RNGTT: variants seen among roughly 807,000 people sequenced by gnomAD.
RNGTT encodes mRNA-capping enzyme.
In RNGTT, 33 loss-of-function variants were observed where a neutral mutation model predicts 79.3. That is an observed-to-expected ratio of 0.42 (90% CI 0.32 to 0.56). The LOEUF is 0.56. RNGTT is among the 20% of genes least tolerant of loss of function. The pLI, the probability that RNGTT is intolerant of heterozygous loss-of-function variation, is 0.17. For synonymous variants in RNGTT, 222 were observed against 235.9 expected (o/e 0.94, Z 0.54); for missense variants, 497 against 739.1 (o/e 0.67, Z 3.80).
intron 14 of RNGTT, among the ~76,000 whole-genome samples, chr6:88,667,119 C>A (rs1187209815): frequency 6.6e-6 from 1 of 152,160 alleles, no homozygotes; most frequent in Non-Finnish European, 1.5e-5. Context: ...GCTCGCAGAG[C>A]AGCATCCACT....
intron 13 of RNGTT, among the ~76,000 whole-genome samples, chr6:88,707,228 C>T (rs1234456345): frequency 6.6e-6 from 1 of 151,922 alleles, no homozygotes; most frequent in Non-Finnish European, 1.5e-5. Context: ...CAGAGCCTGC[C>T]TTTCTGACCC....
At chr6:88,685,082 C>T (rs6906135) in intron 13 of RNGTT, among the ~76,000 whole-genome samples, 3,134 of 152,186 alleles carry the variant, frequency 0.021, 121 homozygotes, top group African/African-American at 0.07. Context: ...ATATGACATT[C>T]GGAAGAGGCA....
chr6:88,724,072 TA>T (rs142381785), intron 13 of RNGTT, among the ~76,000 whole-genome samples: 12 of 151,764 alleles, frequency 7.9e-5, no homozygotes, highest in African/African-American at 1.7e-4. Flanking sequence ...TCAAAAGGTT[TA>T]AAAAAAAATC....
chr6:88,836,494 C>T (rs1012154163), intron 11 of RNGTT, among the ~76,000 whole-genome samples: 2 of 152,132 alleles, frequency 1.3e-5, no homozygotes, highest in African/African-American at 4.8e-5. Context: ...GTAATCCCAT[C>T]ACTTTGGGAG....
chr6:88,644,864 G>T (rs916014425), intron 14 of RNGTT, among the ~76,000 whole-genome samples: 26 of 152,124 alleles, frequency 1.7e-4, no homozygotes, highest in African/African-American at 5.8e-4. Context: ...AAAACAATAA[G>T]AGCTATTTAT....
At chr6:88,743,485 T>G (rs1209251173) in intron 13 of RNGTT, among the ~76,000 whole-genome samples, 1 of 152,144 alleles carries the variant, frequency 6.6e-6, no homozygotes, top group Admixed American at 6.6e-5. Context: ...GAAAAATGAC[T>G]TCCCATTCCC....
At chr6:88,805,311 C>G (rs1779919817) in intron 11 of RNGTT, among the ~76,000 whole-genome samples, 1 of 152,172 alleles carries the variant, frequency 6.6e-6, no homozygotes, top group Admixed American at 6.5e-5. Context: ...GCGAGTGGAA[C>G]AGTTTAGAAT....
chr6:88,881,414 C>T (rs572116285), intron 8 of RNGTT, among the ~76,000 whole-genome samples: 1 of 151,904 alleles, frequency 6.6e-6, no homozygotes, highest in Non-Finnish European at 1.5e-5. Flanking sequence ...ATCAAAATCC[C>T]AAAACTGCAG....
rs76853744 is a variant in RNGTT, at chr6:88,713,783, A to G, written c.1440-35364T>C. ...TATTACGGGCTTTTTATTACGCTAC[A>G]TATGAAACAGGAGATATGATAATGA... is the stretch of plus-strand genomic sequence containing the variant. On this transcript the variant is annotated intron_variant, in intron 13 of 15. Coordinates refer to ENST00000369485, the MANE Select transcript of RNGTT (RefSeq NM_003800.5). Among the ~76,000 whole-genome samples, 138 of 152,326 alleles carry G rather than the reference A, an allele frequency of 9.1e-4. 1 individual carries two copies. In the East Asian group the frequency reaches 0.017, roughly 19 times the overall value.
At chr6:88,721,479 G>C (rs1267137639) in intron 13 of RNGTT, among the ~76,000 whole-genome samples, 1 of 151,706 alleles carries the variant, frequency 6.6e-6, no homozygotes, top group African/African-American at 2.4e-5. Context: ...TTTTTTCCAA[G>C]TTCTCATCAT....
rs567175539 is a variant in RNGTT at position 88,853,969 on chromosome 6, G to A, written c.897-205C>T. On this transcript the variant is annotated intron_variant, in intron 8 of 15. Coordinates refer to ENST00000369485, the MANE Select transcript of RNGTT (RefSeq NM_003800.5). The stretch of plus-strand genomic sequence containing the variant: ...AGAGTCTTCCTCTGTTGCCCAGGCT[G>A]GATGGAGTACAGTGGCACAACCTTG... Among the ~76,000 whole-genome samples the A allele has an allele frequency of 2.0e-5, 3 of 150,750 alleles. No homozygotes were observed. The South Asian group carries it at 6.3e-4, about 32-fold the overall frequency.
chr6:88,796,352 C>A (rs899549309), intron 12 of RNGTT, among the ~76,000 whole-genome samples: 1 of 151,948 alleles, frequency 6.6e-6, no homozygotes, highest in East Asian at 1.9e-4. Context: ...TATAATTTTA[C>A]TAGGTCAAAA....
chr6:88,661,880 C>G (rs915090496), intron 14 of RNGTT, among the ~76,000 whole-genome samples: 2 of 152,128 alleles, frequency 1.3e-5, no homozygotes, highest in African/African-American at 4.8e-5. Flanking sequence ...AACTATAGAC[C>G]AATATCTCTG....
chr6:88,706,859 C>T (rs73496448), intron 13 of RNGTT, among the ~76,000 whole-genome samples: 1,974 of 152,160 alleles, frequency 0.013, 53 homozygotes, highest in African/African-American at 0.045. Flanking sequence ...ACCTATCACA[C>T]GAATCATTAC....
chr6:88,800,641 A>G (rs1384827681), intron 12 of RNGTT, among the ~76,000 whole-genome samples: 6 of 152,340 alleles, frequency 3.9e-5, no homozygotes, highest in African/African-American at 1.4e-4. Context: ...AGAACTTGTC[A>G]AAACACAAAC....
chr6:88,946,701 CGGAGCCGAAGCT>C (rs1290304836), intron 1 of RNGTT, among the ~76,000 whole-genome samples: 2 of 151,662 alleles, frequency 1.3e-5, no homozygotes, highest in East Asian at 3.9e-4. Context: ...CCCTCTCATG[CGGAGCCGAAGCT>C]GGACTGTACT....
At chr6:88,619,166 T>A (rs983017130) in intron 14 of RNGTT, among the ~76,000 whole-genome samples, 6 of 152,112 alleles carry the variant, frequency 3.9e-5, no homozygotes, top group Admixed American at 3.9e-4. Context: ...TACCACAGAT[T>A]TTTCTTTTTT....
At chr6:88,737,482 G>A (rs911389574) in intron 13 of RNGTT, among the ~76,000 whole-genome samples, 3 of 152,150 alleles carry the variant, frequency 2.0e-5, no homozygotes, top group Non-Finnish European at 4.4e-5. Flanking sequence ...AAGGGAGGCA[G>A]GGCTGAATGT....
chr6:88,716,009 T>C (rs991773112), intron 13 of RNGTT, among the ~76,000 whole-genome samples: 30 of 151,878 alleles, frequency 2.0e-4, no homozygotes, highest in Non-Finnish European at 4.0e-4. Context: ...CAAAAGAAAC[T>C]ACCATCAGAG....
Sources: allele counts gnomAD v4.1 joint callset (sites outside exome capture counted in the v4.1 genomes callset), GRCh38; gene constraint gnomAD v4.1.1; transcripts MANE v1.5; gene names NCBI Gene and HGNC (gene_info 2026-07-23, HGNC 2026-07-21).